C8orf34: variants seen among roughly 807,000 people sequenced by gnomAD.
C8orf34 encodes uncharacterized protein C8orf34.
C8orf34 carries 65 observed loss-of-function variants against 68.3 expected under a neutral mutation model. That is an observed-to-expected ratio of 0.95 (90% CI 0.78 to 1.17). The LOEUF is 1.17. C8orf34 is among the 50% of genes most tolerant of loss of function. The pLI is 0.00. For missense variants in C8orf34, 664 were observed against 655.4 expected, an observed-to-expected ratio of 1.01 and a Z score of -0.14; for synonymous variants, 244 against 241.2, an observed-to-expected ratio of 1.01 and a Z score of -0.11.
chr8:68,419,984 A>T (rs1347881591), intron 1 of C8orf34, among the ~76,000 whole-genome samples: 21 of 151,258 alleles, frequency 1.4e-4, no homozygotes, highest in Non-Finnish European at 2.4e-4. Context: ...ATAATAATAA[A>T]AAAAAAAAAG....
At chr8:68,470,593 GC>G (rs1812338438) in intron 4 of C8orf34, among the ~76,000 whole-genome samples, 1 of 152,026 alleles carries the variant, frequency 6.6e-6, no homozygotes, top group Non-Finnish European at 1.5e-5. Flanking sequence ...GGCTGCTATA[GC>G]AAAATACTGT....
At position 68,548,003 on chromosome 8, in the gene C8orf34, A is replaced by G. The variant is rs142384736; in HGVS notation, c.1105+14854A>G. 5.7e-3 allele frequency among the ~76,000 whole-genome samples: 867 copies of G among 151,962 alleles called. 8 individuals are homozygous for G. Among genetic ancestry groups the G allele is most frequent in the African/African-American group, 0.02 (833 of 41,556 alleles). On this transcript the variant is annotated intron_variant, in intron 7 of 13. Transcript: ENST00000518698. Reference sequence around the variant, plus strand: ...GGAACAATTGAATAAATGTAAAGAAAGAGAATGAACTTTGACCCTCTACGC... The same window carrying G: ...GGAACAATTGAATAAATGTAAAGAAGGAGAATGAACTTTGACCCTCTACGC...
intron 10 of C8orf34, among the ~76,000 whole-genome samples, chr8:68,742,892 T>A (rs1822344982): frequency 6.6e-6 from 1 of 152,220 alleles, no homozygotes; most frequent in South Asian, 2.1e-4. Flanking sequence ...CTTCCTGAAG[T>A]TCCTGCTTCT....
At chr8:68,360,221 G>A (rs1011382858) in intron 1 of C8orf34, among the ~76,000 whole-genome samples, 1 of 151,890 alleles carries the variant, frequency 6.6e-6, no homozygotes, top group Non-Finnish European at 1.5e-5. Context: ...TGCTTTTCTC[G>A]TCTTTGCCAA....
intron 1 of C8orf34, among the ~76,000 whole-genome samples, chr8:68,390,521 A>G (rs1001139509): frequency 1.3e-5 from 2 of 152,162 alleles, no homozygotes; most frequent in African/African-American, 4.8e-5. Flanking sequence ...ATCACATACA[A>G]TTCATTAAAA....
At chr8:68,603,569 C>A (rs201746262) in intron 7 of C8orf34, among the ~76,000 whole-genome samples, 39,426 of 149,156 alleles carry the variant, frequency 0.26, 7,509 homozygotes, top group African/African-American at 0.54. Flanking sequence ...ATCTATCTAT[C>A]TATCTTTGAT....
In C8orf34 at chr8:68,380,015, C is replaced by A. The variant is rs191723357; in HGVS notation, c.327+48676C>A. ...CTACAGGAGTGCATCACTACACCCCCCTTCTAATTTTATTTTTTAATTTTT... is the reference window on the plus strand; with the variant it reads ...CTACAGGAGTGCATCACTACACCCCACTTCTAATTTTATTTTTTAATTTTT... On this transcript the variant is annotated intron_variant, in intron 1 of 13. Coordinates refer to ENST00000518698, the MANE Select transcript of C8orf34 (RefSeq NM_052958.4). Among the ~76,000 whole-genome samples the A allele has an allele frequency of 6.7e-4, 102 of 152,208 alleles. 1 individual carries two copies. Among genetic ancestry groups the A allele is most frequent in the Non-Finnish European group, 2.9e-4 (20 of 68,010 alleles).
chr8:68,537,022 C>T (rs927628443), intron 7 of C8orf34, among the ~76,000 whole-genome samples: 12 of 152,168 alleles, frequency 7.9e-5, no homozygotes, highest in Admixed American at 3.3e-4. Context: ...TTAAGGTGAT[C>T]ATTTGACACT....
rs1260182420 is a variant in C8orf34, at chr8:68,331,159, G to A, written c.147G>A (p.Arg49=). 3.3e-6 allele frequency: 5 copies of A among 1,529,202 alleles called. No homozygotes were observed. The highest frequency in any genetic ancestry group is 2.0e-5 in the Admixed American group (1 of 50,738). The allele number at this position is 1,529,202 out of a possible 1,614,324, so 94.7% of individuals were successfully genotyped here. ...RGRASHAGQP[R]LRSSCPGPSP... ...GAGCCAGCCACGCAGGGCAGCCGAGGCTCCGGAGCTCCTGTCCCGGCCCCA... is the reference window on the plus strand; with the variant it reads ...GAGCCAGCCACGCAGGGCAGCCGAGACTCCGGAGCTCCTGTCCCGGCCCCA... The change falls in exon 1 of 14, where the codon AGG becomes AGA. Residue 49 remains arginine, a synonymous_variant. Coordinates refer to ENST00000518698, the MANE Select transcript of C8orf34 (RefSeq NM_052958.4).
chr8:68,753,448 T>C (rs925975631), intron 10 of C8orf34, among the ~76,000 whole-genome samples: 3 of 152,192 alleles, frequency 2.0e-5, no homozygotes, highest in African/African-American at 4.8e-5. Flanking sequence ...ATTAAGTAAA[T>C]TGTATGATGT....
At chr8:68,634,728 T>C (rs1563575860) in intron 7 of C8orf34, among the ~76,000 whole-genome samples, 1 of 152,198 alleles carries the variant, frequency 6.6e-6, no homozygotes, top group African/African-American at 2.4e-5. Context: ...TGTCACCTTT[T>C]AGAGCTTGGT....
At chr8:68,412,583 A>T (rs1447039313) in intron 1 of C8orf34, among the ~76,000 whole-genome samples, 1 of 152,084 alleles carries the variant, frequency 6.6e-6, no homozygotes, top group East Asian at 1.9e-4. Flanking sequence ...CGCTAATACT[A>T]CACCTATATT....
At chr8:68,790,476 G>A (rs1307048746) in intron 12 of C8orf34, among the ~76,000 whole-genome samples, 3 of 152,148 alleles carry the variant, frequency 2.0e-5, no homozygotes, top group Admixed American at 6.5e-5. Context: ...AATAACGTCA[G>A]GGGTAATGCA....
chr8:68,789,366 A>AT (rs1162533747), intron 12 of C8orf34, among the ~76,000 whole-genome samples: 1 of 152,260 alleles, frequency 6.6e-6, no homozygotes, highest in Non-Finnish European at 1.5e-5. Flanking sequence ...ACTAAAACTT[A>AT]GACAAGAAAA....
intron 7 of C8orf34, among the ~76,000 whole-genome samples, chr8:68,541,325 G>T (rs1815692717): frequency 3.9e-5 from 6 of 151,902 alleles, no homozygotes; most frequent in Admixed American, 2.0e-4. Context: ...AATTACTTAG[G>T]TGTGGTGGTG....
intron 1 of C8orf34, among the ~76,000 whole-genome samples, chr8:68,354,091 AGAG>A (rs1806639709): frequency 6.6e-6 from 1 of 152,096 alleles, no homozygotes; most frequent in Non-Finnish European, 1.5e-5. Context: ...GTAAGGAGAG[AGAG>A]GAGTAGTCAG....
intron 12 of C8orf34, among the ~76,000 whole-genome samples, chr8:68,801,860 C>T (rs948549328): frequency 3.3e-5 from 5 of 151,270 alleles, no homozygotes; most frequent in Non-Finnish European, 7.4e-5. Context: ...CCAAAATACC[C>T]TCTGTGATTA....
chr8:68,658,947 G>A (rs779258582), intron 8 of C8orf34, among the ~76,000 whole-genome samples: 7 of 151,842 alleles, frequency 4.6e-5, no homozygotes, highest in African/African-American at 9.7e-5. Context: ...TAATCTTACC[G>A]TTTTACTTTC....
chr8:68,478,800 A>C (rs1408821684), intron 4 of C8orf34, among the ~76,000 whole-genome samples: 1 of 152,196 alleles, frequency 6.6e-6, no homozygotes, highest in Non-Finnish European at 1.5e-5. Context: ...TGAGAACAGC[A>C]TGTGGAACAC....
Sources: gnomAD v4.1 joint callset for allele counts (sites outside exome capture counted in the v4.1 genomes callset) on GRCh38, gnomAD v4.1.1 for gene constraint, MANE v1.5 for transcripts, NCBI Gene and HGNC (gene_info 2026-07-23, HGNC 2026-07-21) for gene names.